The following BRF1 variants were observed in gnomAD, a reference collection of about 807,000 sequenced individuals.
The protein encoded by BRF1 is transcription factor IIIB 90 kDa subunit.
BRF1 carries 59 observed loss-of-function variants against 81.7 expected under a neutral mutation model. The observed-to-expected ratio is 0.72, with a 90% confidence interval of 0.59 to 0.90. The LOEUF is 0.90. Among genes scored for constraint, BRF1 ranks in the 40% least tolerant of loss-of-function variants. BRF1 has a pLI of 0.00. For synonymous variants in BRF1, 491 were observed against 395.6 expected, an observed-to-expected ratio of 1.24 and a Z score of -2.86; for missense variants, 1,050 against 936.3, an observed-to-expected ratio of 1.12 and a Z score of -1.58.
intron 6 of BRF1, among the ~76,000 whole-genome samples, chr14:105,229,602 G>T (rs587606627): frequency 1.3e-5 from 2 of 152,368 alleles, no homozygotes; most frequent in East Asian, 1.9e-4. Context: ...GCGACCTGGG[G>T]GGTCACAGAG....
At position 105,226,051 on chromosome 14, in the gene BRF1, C is replaced by T. The variant is rs373163645; in HGVS notation, c.1048+18G>A. The T allele has an allele frequency of 1.8e-5, 29 of 1,609,028 alleles. No individual in the cohort carries two copies. The African/African-American group carries it at 2.3e-4, about 13-fold the overall frequency. ...ACATTTTAAAGGTCTGAATAGGGGC[C>T]GGGCACAGTGGACTCACCATCTTTT... On this transcript the variant is annotated intron_variant, in intron 10 of 17. Transcript: ENST00000547530.
rs767770256 is a variant in BRF1 at position 105,272,944 on chromosome 14, G to A, written c.266-50C>T. On this transcript the variant is annotated intron_variant, in intron 2 of 17. Transcript: ENST00000547530. ...TTAGCCAAATGTTCCCACAGAACAT[G>A]AAAAGTATCACACGGCCACAGCAGC... 5.9e-6 allele frequency: 9 copies of A among 1,516,736 alleles called. No homozygotes were observed. In the East Asian group the frequency reaches 2.1e-4, roughly 36 times the overall value. 94.0% of individuals were successfully genotyped at this position (1,516,736 alleles called of 1,614,324 possible).
rs990882073 is a variant in BRF1 at position 105,309,218 on chromosome 14, T to C, written c.-162+6104A>G. Among the ~76,000 whole-genome samples, 4 of 152,154 alleles carry C rather than the reference T, an allele frequency of 2.6e-5. No homozygotes were observed. Among genetic ancestry groups the C allele is most frequent in the African/African-American group, 4.8e-5 (2 of 41,436 alleles). ...TTCTATTGTGGGAAAGAAAGAAGTG[T>C]TAAAATTTATGCATCAAGGTCCCTC... On this transcript the variant is annotated intron_variant, in intron 1 of 17. Transcript: ENST00000327359. This position sits in a 1 kb window ranked among gnomAD's most constrained non-coding sequence, Gnocchi z 4.0.
rs59772372 is a variant in BRF1, at chr14:105,284,790, CA to C, written c.265+1505del. Among the ~76,000 whole-genome samples the C allele has an allele frequency of 6.6e-6, 1 of 151,066 alleles. No individual in the cohort carries two copies. Among genetic ancestry groups the C allele is most frequent in the African/African-American group, 2.4e-5 (1 of 41,048 alleles). ...CACCACTGCTATTCAATGTGGTAAA[CA>C]AAAAAAACAAAAACAAAAAACAGGC... is the stretch of plus-strand genomic sequence containing the variant. On this transcript the variant is annotated intron_variant, in intron 2 of 17. Transcript: ENST00000547530. This position sits in a 1 kb window ranked among gnomAD's most constrained non-coding sequence, Gnocchi z 4.0.
intron 3 of BRF1, among the ~76,000 whole-genome samples, chr14:105,260,676 G>A (rs587651719): frequency 6.6e-6 from 1 of 152,266 alleles, no homozygotes; most frequent in African/African-American, 2.4e-5. Flanking sequence ...AAGCTCCACA[G>A]AAAATTTTCT....
At chr14:105,224,947 T>C (rs1005565396) in intron 10 of BRF1, among the ~76,000 whole-genome samples, 3 of 152,186 alleles carry the variant, frequency 2.0e-5, no homozygotes, top group Admixed American at 6.5e-5. Flanking sequence ...AATGGCTCCT[T>C]GGGGGAAAGC....
rs1323418534 is a variant in BRF1 at position 105,248,655 on chromosome 14, G to A, written c.544+3852C>T. 10 of 980,766 alleles carry A rather than the reference G, an allele frequency of 1.0e-5. No homozygotes were observed. In the East Asian group the frequency reaches 5.7e-4, roughly 56 times the overall value. The allele number at this position is 980,766 out of a possible 1,614,324, so 60.8% of individuals were successfully genotyped here. A position where few individuals can be genotyped will look rare whatever the true frequency, so the allele number is the denominator to read the frequency against. On this transcript the variant is annotated intron_variant, in intron 5 of 17. Transcript: ENST00000547530. ...GCTGGGCTCGGGCAGGGTCGCAGGG[G>A]CGGGGGTGGCAGGGGAGCGGGTGGC...
At chr14:105,249,301 T>G (rs992128047) in intron 5 of BRF1, 4 of 1,582,544 alleles carry the variant, frequency 2.5e-6, no homozygotes, top group African/African-American at 1.3e-5. Flanking sequence ...CCGTCCGCCG[T>G]GTGGCTGACA....
At chr14:105,241,148 G>T (rs993990219) in intron 6 of BRF1, 117 bp downstream of exon 6, 25 of 1,486,992 alleles carry the variant, frequency 1.7e-5, no homozygotes, top group East Asian at 9.1e-5. Flanking sequence ...CGGGAGGCTG[G>T]AGGCAGCTCT....
intron 14 of BRF1, among the ~76,000 whole-genome samples, chr14:105,218,205 G>T (rs1001215399): frequency 6.6e-6 from 1 of 152,108 alleles, no homozygotes; most frequent in Admixed American, 6.5e-5. Flanking sequence ...ATCCACCCCA[G>T]CACCGCTGCC....
At chr14:105,256,481 C>A (rs975455541) in intron 4 of BRF1, 37 bp downstream of exon 4, 1 of 1,614,052 alleles carries the variant, frequency 6.2e-7, no homozygotes, top group Non-Finnish European at 8.5e-7. Context: ...AGGTCACAAC[C>A]CCAGGTGGGG....
chr14:105,258,879 T>C (rs1225309103), intron 3 of BRF1, among the ~76,000 whole-genome samples: 2 of 151,698 alleles, frequency 1.3e-5, no homozygotes, highest in African/African-American at 4.8e-5. Flanking sequence ...AGAAGCTTCA[T>C]GAAGACAAAA....
intron 3 of BRF1, among the ~76,000 whole-genome samples, chr14:105,258,780 C>A (rs940709787): frequency 1.3e-5 from 2 of 151,838 alleles, no homozygotes; most frequent in African/African-American, 4.8e-5. Flanking sequence ...GCCTGGGCAA[C>A]AGAGCGAGAC....
At chr14:105,228,416 C>T (rs587743108) in intron 7 of BRF1, 39 of 163,018 alleles carry the variant, frequency 2.4e-4, no homozygotes, top group East Asian at 8.4e-4. Flanking sequence ...TGGTGGCACA[C>T]GCCTGTAATC....
chr14:105,259,718 G>T (rs1371328631), intron 3 of BRF1, among the ~76,000 whole-genome samples: 2 of 152,174 alleles, frequency 1.3e-5, no homozygotes, highest in Non-Finnish European at 2.9e-5. Flanking sequence ...AGACCAGCCT[G>T]GCCTACACAG....
intron 9 of BRF1, 34 bp from the exon 10 acceptor site, chr14:105,226,195 T>G: frequency 6.2e-7 from 1 of 1,613,976 alleles, no homozygotes. Context: ...AAAGTCAGCA[T>G]AAAATCAATT....
In BRF1 at chr14:105,280,690, T is replaced by C. The variant is rs1595455464; in HGVS notation, c.265+5606A>G. ...CATGATCCTGAGCCCGGCTGTGCGG[T>C]GAAGGCTGCGTGATCCTGAGTCCGG... On this transcript the variant is annotated intron_variant, in intron 2 of 17. Coordinates refer to ENST00000547530, the MANE Select transcript of BRF1 (RefSeq NM_001519.4). 5.4e-5 allele frequency among the ~76,000 whole-genome samples: 8 copies of C among 149,106 alleles called. 1 individual carries two copies. In the South Asian group the frequency reaches 1.7e-3, roughly 32 times the overall value.
intron 10 of BRF1, among the ~76,000 whole-genome samples, chr14:105,225,387 G>A (rs977063683): frequency 2.6e-5 from 4 of 152,154 alleles, no homozygotes; most frequent in African/African-American, 9.7e-5. Flanking sequence ...AAGTGGGGGC[G>A]GGGTCAGACA....
intron 1 of BRF1, among the ~76,000 whole-genome samples, chr14:105,299,746 A>C (rs2057904057): frequency 6.6e-6 from 1 of 152,236 alleles, no homozygotes; most frequent in South Asian, 2.1e-4. Flanking sequence ...AACATCGACA[A>C]CACCAAGTGC....
Sources: allele counts gnomAD v4.1 joint callset (sites outside exome capture counted in the v4.1 genomes callset), GRCh38; gene constraint gnomAD v4.1.1; non-coding constraint Gnocchi (gnomAD v3.1); transcripts MANE v1.5; gene names NCBI Gene and HGNC (gene_info 2026-07-23, HGNC 2026-07-21).